Variants in PARD3 observed in about 807,000 individuals in gnomAD.
PARD3 encodes the protein partitioning defective 3 homolog.
Under a neutral mutation model 155.4 loss-of-function variants are expected in PARD3, and 75 were observed. The ratio of observed to expected loss-of-function variants is 0.48; its 90% CI spans 0.40 to 0.58. PARD3 has a LOEUF of 0.58. Ranked by LOEUF, PARD3 falls within the 20% of genes least tolerant of loss-of-function variation. The probability of loss-of-function intolerance (pLI) is 0.00; values close to 1 mark genes in which losing one functional copy is unlikely to be tolerated. For synonymous variants in PARD3, 576 were observed against 610.5 expected (o/e 0.94, Z 0.83); for missense variants, 1,642 against 1,721.7 (o/e 0.95, Z 0.82).
intron 7 of PARD3, among the ~76,000 whole-genome samples, chr10:34,392,935 C>A (rs1842977089): frequency 6.6e-6 from 1 of 152,040 alleles, no homozygotes; most frequent in African/African-American, 2.4e-5. Flanking sequence ...CAAGGGCTGA[C>A]AACTGCAGCC....
intron 2 of PARD3, among the ~76,000 whole-genome samples, chr10:34,681,095 C>T (rs891819615): frequency 5.3e-5 from 8 of 151,824 alleles, no homozygotes; most frequent in Admixed American, 2.6e-4. Context: ...CAGTGTTATA[C>T]GATGCAATAT....
chr10:34,514,463 T>G (rs1345383696), intron 3 of PARD3, among the ~76,000 whole-genome samples: 1 of 152,180 alleles, frequency 6.6e-6, no homozygotes, highest in Non-Finnish European at 1.5e-5. Flanking sequence ...ATGAACGTCA[T>G]TAATGCGGTG....
chr10:34,773,546 C>G (rs1025134865), intron 1 of PARD3, among the ~76,000 whole-genome samples: 1 of 152,134 alleles, frequency 6.6e-6, no homozygotes, highest in South Asian at 2.1e-4. Context: ...ATTGCTGTTC[C>G]GAGAAGATGC....
rs554605047 is a variant in PARD3, at chr10:34,309,242, C to A, written c.3065+7865G>T. On this transcript the variant is annotated intron_variant, in intron 20 of 24. Transcript: ENST00000374788. ...AGATGGAGGAGGTAACAGCATGGTG[C>A]AAAACAATGTGAATGATCCTGTAGA... 3.9e-5 allele frequency among the ~76,000 whole-genome samples: 6 copies of A among 152,084 alleles called. No individual in the cohort carries two copies. The South Asian group carries it at 1.0e-3, about 26-fold the overall frequency.
intron 22 of PARD3, among the ~76,000 whole-genome samples, chr10:34,203,039 CCCCACT>C (rs954414503): frequency 1.3e-5 from 2 of 151,596 alleles, no homozygotes; most frequent in Non-Finnish European, 2.9e-5. Flanking sequence ...TTGCTAACAC[CCCCACT>C]CCAGCACCCT....
At chr10:34,232,416 C>T (rs557605287) in intron 22 of PARD3, among the ~76,000 whole-genome samples, 1 of 152,236 alleles carries the variant, frequency 6.6e-6, no homozygotes, top group South Asian at 2.1e-4. Flanking sequence ...TGGTAAAACA[C>T]GGCCATGTGG....
chr10:34,423,788 C>T (rs907440424), intron 5 of PARD3, among the ~76,000 whole-genome samples: 87 of 152,164 alleles, frequency 5.7e-4, no homozygotes, highest in African/African-American at 2.0e-3. Flanking sequence ...CAAGTAGTTA[C>T]GTCAAATTAT....
At chr10:34,424,028 C>A (rs1011662342) in intron 5 of PARD3, among the ~76,000 whole-genome samples, 1 of 152,078 alleles carries the variant, frequency 6.6e-6, no homozygotes, top group Non-Finnish European at 1.5e-5. Context: ...GAAGATTAAC[C>A]CTTAAATTCC....
chr10:34,423,894 G>T (rs1336318290), intron 5 of PARD3, among the ~76,000 whole-genome samples: 1 of 152,060 alleles, frequency 6.6e-6, no homozygotes, highest in African/African-American at 2.4e-5. Context: ...TAACAAACTG[G>T]CAAACTTATA....
At chr10:34,267,845 C>T (rs557140920) in intron 22 of PARD3, among the ~76,000 whole-genome samples, 114 of 152,200 alleles carry the variant, frequency 7.5e-4, no homozygotes, top group African/African-American at 2.5e-3. Context: ...CAACCTCAGA[C>T]CTACTGAATC....
chr10:34,217,610 C>T (rs1952066556), intron 22 of PARD3, among the ~76,000 whole-genome samples: 1 of 152,114 alleles, frequency 6.6e-6, no homozygotes, highest in South Asian at 2.1e-4. Flanking sequence ...TGGAACCATG[C>T]TCGTGGCGTG....
At chr10:34,286,871 G>A (rs935998579) in intron 20 of PARD3, among the ~76,000 whole-genome samples, 2 of 152,182 alleles carry the variant, frequency 1.3e-5, no homozygotes, top group Non-Finnish European at 2.9e-5. Flanking sequence ...AGGACAGTGA[G>A]AGAAGTGCTT....
intron 1 of PARD3, among the ~76,000 whole-genome samples, chr10:34,765,109 A>G (rs1369109246): frequency 6.6e-6 from 1 of 152,142 alleles, no homozygotes; most frequent in African/African-American, 2.4e-5. Flanking sequence ...AGAAAGACAC[A>G]CCTGCCCCTT....
chr10:34,139,366 T>C (rs1194579065), intron 22 of PARD3, among the ~76,000 whole-genome samples: 1 of 152,202 alleles, frequency 6.6e-6, no homozygotes, highest in Non-Finnish European at 1.5e-5. Context: ...TCCTTCATAG[T>C]TCCACAAATG....
intron 2 of PARD3, among the ~76,000 whole-genome samples, chr10:34,560,395 T>C (rs531719053): frequency 2.0e-5 from 3 of 152,300 alleles, no homozygotes; most frequent in South Asian, 4.1e-4. Context: ...CATTTGTATA[T>C]ACATCAATTC....
At chr10:34,313,373 G>A (rs1957808963) in intron 20 of PARD3, among the ~76,000 whole-genome samples, 1 of 152,200 alleles carries the variant, frequency 6.6e-6, no homozygotes, top group South Asian at 2.1e-4. Flanking sequence ...TATGTATGAG[G>A]AGAAATTAAT....
Position 34,331,144 on chromosome 10 carries a change from C to T in PARD3, c.2806G>A (p.Asp936Asn). ...IDKSYDKPAVDDDDEGMETLE... is the reference protein window; with the variant it reads ...IDKSYDKPAVNDDDEGMETLE... ...GTCTCCATGCCTTCATCATCATCAT[C>T]TACCGCGGGTTTATCATAAGATTTG... Residue 936 changes from aspartate to asparagine, a missense_variant, in exon 19 of 25, where the codon GAT becomes AAT. Asp to Asn is a conservative substitution (Grantham distance 23). Transcript: ENST00000374788. 1.2e-6 allele frequency: 2 copies of T among 1,613,902 alleles called. No homozygotes were observed. Among genetic ancestry groups the T allele is most frequent in the African/African-American group, 2.7e-5 (2 of 75,034 alleles).
At chr10:34,723,710 T>G (rs1348203044) in intron 1 of PARD3, among the ~76,000 whole-genome samples, 1 of 152,208 alleles carries the variant, frequency 6.6e-6, no homozygotes, top group South Asian at 2.1e-4. Context: ...GCTCAATCAC[T>G]TCATAAATCT....
At chr10:34,813,639 T>A (rs1174170066) in intron 1 of PARD3, among the ~76,000 whole-genome samples, 1 of 152,202 alleles carries the variant, frequency 6.6e-6, no homozygotes, top group Non-Finnish European at 1.5e-5. Flanking sequence ...TTTTTTCCAA[T>A]ATATACTAAA....
Sources: gnomAD v4.1 joint callset for allele counts (sites outside exome capture counted in the v4.1 genomes callset) on GRCh38, gnomAD v4.1.1 for gene constraint, MANE v1.5 for transcripts, NCBI Gene and HGNC (gene_info 2026-07-23, HGNC 2026-07-21) for gene names.